Variants in LPCAT3 observed in about 807,000 individuals in gnomAD.
LPCAT3 encodes lysophosphatidylcholine acyltransferase 3, also known as lysophospholipid acyltransferase 5.
LPCAT3 carries 21 observed loss-of-function variants against 63.4 expected under a neutral mutation model. The observed-to-expected ratio is 0.33, with a 90% confidence interval of 0.23 to 0.48. The LOEUF is 0.48. Among genes scored for constraint, LPCAT3 ranks in the 20% least tolerant of loss-of-function variants. The probability of loss-of-function intolerance (pLI) is 0.99; values close to 1 mark genes in which losing one functional copy is unlikely to be tolerated. For synonymous variants in LPCAT3, 242 were observed against 227.5 expected (o/e 1.06, Z -0.58); for missense variants, 451 against 590.6 (o/e 0.76, Z 2.45).
In LPCAT3 at chr12:7,014,764, G is replaced by A. The variant is rs144890982; in HGVS notation, c.151+3510C>T. 2.8e-3 allele frequency among the ~76,000 whole-genome samples: 422 copies of A among 151,914 alleles called. 3 individuals are homozygous for A. Among genetic ancestry groups the A allele is most frequent in the African/African-American group, 9.1e-3 (377 of 41,414 alleles). ...ACAAAAATTAGCCGGGTATGATGGC[G>A]TGCACCATAGTCCTAGCTACTCAGG... On this transcript the variant is annotated intron_variant, in intron 1 of 12. Coordinates refer to ENST00000261407, the MANE Select transcript of LPCAT3 (RefSeq NM_005768.6).
rs1323350191 is a variant in LPCAT3, at chr12:7,017,197, C to T, written c.151+1077G>A. Reference sequence around the variant, plus strand: ...CCTGTTTCCTTATCACCACTTACAGCTTTTGCTTAATCCTTCCCACTCACC... The same window carrying T: ...CCTGTTTCCTTATCACCACTTACAGTTTTTGCTTAATCCTTCCCACTCACC... On this transcript the variant is annotated intron_variant, in intron 1 of 12. Coordinates refer to ENST00000261407, the MANE Select transcript of LPCAT3 (RefSeq NM_005768.6). This position sits in a 1 kb window ranked among gnomAD's most constrained non-coding sequence, Gnocchi z 4.1. Among the ~76,000 whole-genome samples, 6 of 152,194 alleles carry T rather than the reference C, an allele frequency of 3.9e-5. No individual in the cohort carries two copies. The highest frequency in any genetic ancestry group is 2.1e-4 in the South Asian group (1 of 4,838).
At chr12:7,007,535 C>A (rs1425860229) in intron 1 of LPCAT3, among the ~76,000 whole-genome samples, 1 of 147,052 alleles carries the variant, frequency 6.8e-6, no homozygotes, top group African/African-American at 2.5e-5. Context: ...CACTCTGTCC[C>A]CCAGGCTGGA....
At chr12:7,000,833 G>A (rs946964262) in intron 1 of LPCAT3, among the ~76,000 whole-genome samples, 4 of 151,416 alleles carry the variant, frequency 2.6e-5, no homozygotes, top group East Asian at 2.0e-4. Context: ...CAGCCTCCTG[G>A]GTAGCTGGGA....
At chr12:7,001,570 C>T (rs1196821104) in intron 1 of LPCAT3, 2 of 452,276 alleles carry the variant, frequency 4.4e-6, no homozygotes, top group East Asian at 7.0e-5. Context: ...TTGGTAGGAT[C>T]CTGGCTGTGA....
chr12:6,992,880 C>T (rs184154952), intron 1 of LPCAT3, among the ~76,000 whole-genome samples: 52 of 152,326 alleles, frequency 3.4e-4, no homozygotes, highest in African/African-American at 1.2e-3. Context: ...AACCTATGCA[C>T]ATCTTCACAT....
chr12:6,978,729 G>T, intron 7 of LPCAT3, 40 bp from the exon 8 acceptor site: 1 of 1,608,932 alleles, frequency 6.2e-7, no homozygotes, highest in South Asian at 1.1e-5. Context: ...GATATCACAT[G>T]ACTAGGCAGT....
chr12:7,006,559 G>T (rs1319773089), intron 1 of LPCAT3, among the ~76,000 whole-genome samples: 1 of 152,224 alleles, frequency 6.6e-6, no homozygotes, highest in Admixed American at 6.5e-5. Context: ...CTATCTAGGA[G>T]TTCCCATGTT....
chr12:7,001,559 G>A (rs1246155717), intron 1 of LPCAT3: 1 of 455,286 alleles, frequency 2.2e-6, no homozygotes, highest in Non-Finnish European at 4.4e-6. Context: ...CGGTGTTGGT[G>A]TTGGTAGGAT....
chr12:6,984,152 T>G (rs931310228), intron 1 of LPCAT3, among the ~76,000 whole-genome samples: 13 of 152,244 alleles, frequency 8.5e-5, no homozygotes, highest in African/African-American at 2.4e-5. Context: ...TTACAAGTTA[T>G]GTGGAGATAC....
chr12:7,002,283 G>T (rs942614809), intron 1 of LPCAT3, among the ~76,000 whole-genome samples: 2 of 152,028 alleles, frequency 1.3e-5, no homozygotes, highest in African/African-American at 4.8e-5. Flanking sequence ...ACACTTTCTG[G>T]TTCTCTCTCA....
chr12:7,015,387 C>T (rs374177834), intron 1 of LPCAT3, among the ~76,000 whole-genome samples: 1 of 152,144 alleles, frequency 6.6e-6, no homozygotes. Flanking sequence ...TCCAGTATCC[C>T]AGTTCCCTGA....
chr12:6,994,839 A>C (rs1308089080), intron 1 of LPCAT3, among the ~76,000 whole-genome samples: 2 of 152,072 alleles, frequency 1.3e-5, no homozygotes, highest in African/African-American at 4.8e-5. Flanking sequence ...CGTTTCTTTC[A>C]CCGAAGGCAT....
At chr12:6,998,848 C>T (rs1483471454) in intron 1 of LPCAT3, among the ~76,000 whole-genome samples, 2 of 152,214 alleles carry the variant, frequency 1.3e-5, no homozygotes, top group Non-Finnish European at 2.9e-5. Flanking sequence ...TGAAGAATTA[C>T]CTGCTCCAAA....
chr12:7,014,292 A>C (rs79289727), intron 1 of LPCAT3, among the ~76,000 whole-genome samples: 1 of 152,236 alleles, frequency 6.6e-6, no homozygotes, highest in African/African-American at 2.4e-5. Context: ...AGGGTTAAGA[A>C]TACTGCTTTA....
intron 1 of LPCAT3, among the ~76,000 whole-genome samples, chr12:7,003,266 G>A (rs7952839): frequency 0.22 from 33,756 of 151,658 alleles, 7,083 homozygotes; most frequent in African/African-American, 0.56. Context: ...ATCTTAAAAT[G>A]TCTTATCCTA....
intron 3 of LPCAT3, 92 bp downstream of exon 3, chr12:6,982,582 GGT>G: frequency 9.0e-6 from 8 of 892,808 alleles, no homozygotes; most frequent in Non-Finnish European, 1.4e-5. Context: ...TTAGAAATTA[GGT>G]CTGCTAATTT....
intron 1 of LPCAT3, among the ~76,000 whole-genome samples, chr12:6,986,196 C>T (rs1946524370): frequency 1.3e-5 from 2 of 152,138 alleles, no homozygotes; most frequent in African/African-American, 4.8e-5. Context: ...TCCCCTTAGA[C>T]TTCCCTCTGC....
rs1946806654 is a variant in LPCAT3 at position 7,017,995 on chromosome 12, G to A, written c.151+279C>T. Reference sequence around the variant, plus strand: ...AATAAAGACAGGTCGTGGGAGCAAGGGTAGAGCCTGGCACAAGAGGGCGGG... The same window carrying A: ...AATAAAGACAGGTCGTGGGAGCAAGAGTAGAGCCTGGCACAAGAGGGCGGG... On this transcript the variant is annotated intron_variant, in intron 1 of 12. Coordinates refer to ENST00000261407, the MANE Select transcript of LPCAT3 (RefSeq NM_005768.6). This position sits in a 1 kb window ranked among gnomAD's most constrained non-coding sequence, Gnocchi z 4.1. 6.6e-6 allele frequency among the ~76,000 whole-genome samples: 1 copy of A among 152,208 alleles called. No homozygotes were observed. Among genetic ancestry groups the A allele is most frequent in the African/African-American group, 2.4e-5 (1 of 41,452 alleles).
Position 6,977,221 on chromosome 12 carries a change from C to T in LPCAT3, c.1389G>A (p.Leu463=), listed in dbSNP as rs1555153351. ...TATAAGGCAATATGAATAGTAGGCT[C>T]AGGAAGAAGATGTGGCCAAGGAAAT... ...SIYFLGHIFF[L]SLLFILPYIH... is the part of the protein sequence containing the mutation. Residue 463 remains leucine, a synonymous_variant, in exon 12 of 13, where the codon CTG becomes CTA. Coordinates refer to ENST00000261407, the MANE Select transcript of LPCAT3 (RefSeq NM_005768.6). This position sits in a 1 kb window ranked among gnomAD's most constrained non-coding sequence, Gnocchi z 4.5. The T allele has an allele frequency of 1.2e-6, 2 of 1,613,978 alleles. No homozygotes were observed. The highest frequency in any genetic ancestry group is 8.5e-7 in the Non-Finnish European group (1 of 1,179,880).
Sources: allele counts gnomAD v4.1 joint callset (sites outside exome capture counted in the v4.1 genomes callset), GRCh38; gene constraint gnomAD v4.1.1; non-coding constraint Gnocchi (gnomAD v3.1); transcripts MANE v1.5; gene names NCBI Gene and HGNC (gene_info 2026-07-23, HGNC 2026-07-21).